Variants in PLXNA4 observed in about 807,000 individuals in gnomAD.
The protein encoded by PLXNA4 is plexin A4, also known as plexin-A4.
PLXNA4 carries 44 observed loss-of-function variants against 191.8 expected under a neutral mutation model. The ratio of observed to expected loss-of-function variants is 0.23; its 90% CI spans 0.18 to 0.29. PLXNA4 has a LOEUF of 0.29. PLXNA4 is among the 10% of genes least tolerant of loss of function. The probability of loss-of-function intolerance (pLI) is 1.00; values close to 1 mark genes in which losing one functional copy is unlikely to be tolerated. For missense variants in PLXNA4, 1,800 were observed against 2,488.8 expected, an observed-to-expected ratio of 0.72 and a Z score of 5.89; for synonymous variants, 1,082 against 1,009.5, an observed-to-expected ratio of 1.07 and a Z score of -1.36.
chr7:132,448,964 T>C (rs949198947), intron 3 of PLXNA4, among the ~76,000 whole-genome samples: 3 of 152,252 alleles, frequency 2.0e-5, no homozygotes, highest in Non-Finnish European at 2.9e-5. Context: ...CCTGGTAAGA[T>C]ATTAATGTTA....
intron 24 of PLXNA4, among the ~76,000 whole-genome samples, chr7:132,163,592 G>A (rs921929103): frequency 1.3e-5 from 2 of 152,158 alleles, no homozygotes; most frequent in African/African-American, 4.8e-5. Flanking sequence ...TTTTTGTCAG[G>A]TGAGGGAGCC....
intron 3 of PLXNA4, among the ~76,000 whole-genome samples, chr7:132,379,492 C>T (rs574809681): frequency 2.1e-4 from 32 of 152,348 alleles, no homozygotes; most frequent in African/African-American, 7.2e-4. Context: ...CTCTGCCTTA[C>T]AGATCCCCAT....
chr7:132,581,977 G>A (rs779002210), upstream of PLXNA4, among the ~76,000 whole-genome samples: 6 of 152,208 alleles, frequency 3.9e-5, no homozygotes, highest in Non-Finnish European at 5.9e-5. Flanking sequence ...GAGGGAGGGA[G>A]GGGGTGTGAC....
At position 132,195,826 on chromosome 7, in the gene PLXNA4, G is replaced by A. The variant is rs555319677; in HGVS notation, c.2739-1647C>T. Among the ~76,000 whole-genome samples, 146 of 152,236 alleles carry A rather than the reference G, an allele frequency of 9.6e-4. No homozygotes were observed. The South Asian group carries it at 0.013, about 14-fold the overall frequency. On this transcript the variant is annotated intron_variant, in intron 13 of 31. Coordinates refer to ENST00000321063, the MANE Select transcript of PLXNA4 (RefSeq NM_020911.2). ...TAAATATTGCAATGATTTTCTCCACGCTTGTCATCTTTCAACTGTGGTTCC... is the reference window on the plus strand; with the variant it reads ...TAAATATTGCAATGATTTTCTCCACACTTGTCATCTTTCAACTGTGGTTCC...
intron 1 of PLXNA4, among the ~76,000 whole-genome samples, chr7:132,562,737 TTC>T: frequency 8.3e-6 from 1 of 120,734 alleles, no homozygotes; most frequent in African/African-American, 3.5e-5. Flanking sequence ...GTCCTCCTCC[TTC>T]TCCTCCTCCT....
chr7:132,585,004 G>A (rs1253045837), intron 2 of PLXNA4, among the ~76,000 whole-genome samples: 1 of 151,684 alleles, frequency 6.6e-6, no homozygotes, highest in Non-Finnish European at 1.5e-5. Flanking sequence ...CCTCTTTTGT[G>A]GGCTGCCGTG....
intron 5 of PLXNA4, among the ~76,000 whole-genome samples, chr7:132,229,214 C>T (rs1283508272): frequency 2.0e-5 from 3 of 152,220 alleles, no homozygotes; most frequent in African/African-American, 7.2e-5. Context: ...AAAGCTTGCT[C>T]TGGATCAGAA....
chr7:132,480,051 A>C (rs156922), intron 3 of PLXNA4, among the ~76,000 whole-genome samples: 147,005 of 152,246 alleles, frequency 0.97, 71,180 homozygotes, highest in Middle Eastern at 1. Context: ...TCATACTATT[A>C]CCCCAAGTCC....
At chr7:132,451,060 T>C (rs1796103212) in intron 3 of PLXNA4, among the ~76,000 whole-genome samples, 1 of 152,210 alleles carries the variant, frequency 6.6e-6, no homozygotes, top group South Asian at 2.1e-4. Flanking sequence ...AGTTACTCAC[T>C]AACCCCCAGC....
intron 5 of PLXNA4, among the ~76,000 whole-genome samples, chr7:132,235,313 G>A (rs1467566619): frequency 6.6e-6 from 1 of 152,230 alleles, no homozygotes; most frequent in Non-Finnish European, 1.5e-5. Context: ...GCATGGCTAT[G>A]AAATTAGAGC....
chr7:132,125,321 A>C lies in PLXNA4; in HGVS notation c.*5158T>G, dbSNP rs965157677. 1.3e-5 allele frequency: 2 copies of C among 152,224 alleles called. No homozygotes were observed. Among genetic ancestry groups the C allele is most frequent in the African/African-American group, 4.8e-5 (2 of 41,436 alleles). The allele number at this position is 152,224 out of a possible 1,614,324, so 9.4% of individuals were successfully genotyped here. A position where few individuals can be genotyped will look rare whatever the true frequency, so the allele number is the denominator to read the frequency against. ...GGTAGGAGAAGGACTCCATCTGTCAAAAGTGTGGGGAAGCACCAGGAATAG... is the reference window on the plus strand; with the variant it reads ...GGTAGGAGAAGGACTCCATCTGTCACAAGTGTGGGGAAGCACCAGGAATAG... On this transcript the variant is annotated 3_prime_UTR_variant, in exon 32 of 32. Coordinates refer to ENST00000321063, the MANE Select transcript of PLXNA4 (RefSeq NM_020911.2).
chr7:132,130,702 G>C, intron 31 of PLXNA4, 128 bp from the exon 32 acceptor site: 5 of 1,367,646 alleles, frequency 3.7e-6, no homozygotes, highest in Non-Finnish European at 5.0e-6. Context: ...GGGGCACACA[G>C]GACACTGCGG....
intron 2 of PLXNA4, among the ~76,000 whole-genome samples, chr7:132,624,669 A>G (rs1289747814): frequency 6.6e-6 from 1 of 152,212 alleles, no homozygotes; most frequent in Non-Finnish European, 1.5e-5. Flanking sequence ...GGTATAAGTC[A>G]TGAACTTGGT....
intron 3 of PLXNA4, among the ~76,000 whole-genome samples, chr7:132,357,971 GA>G (rs774988212): frequency 4.2e-4 from 64 of 152,318 alleles, no homozygotes; most frequent in South Asian, 8.3e-4. Flanking sequence ...GAAAGCAGGA[GA>G]TTGTTAGACA....
At chr7:132,202,385 C>G (rs945247881) in intron 12 of PLXNA4, among the ~76,000 whole-genome samples, 4 of 152,188 alleles carry the variant, frequency 2.6e-5, no homozygotes, top group Admixed American at 1.3e-4. Flanking sequence ...TCCTTTTTGA[C>G]ACAGCTCCTC....
At chr7:132,204,499 G>A (rs755816634) in intron 10 of PLXNA4, among the ~76,000 whole-genome samples, 1 of 152,218 alleles carries the variant, frequency 6.6e-6, no homozygotes, top group African/African-American at 2.4e-5. Flanking sequence ...TTTGTTGAAC[G>A]AAGTTAGTCC....
rs944677052 is a variant in PLXNA4 at position 132,372,249 on chromosome 7, C to T, written c.1372-74027G>A. Reference sequence around the variant, plus strand: ...CTTCAATTTTCCAATCCAAAAGAAGCAGAAACAAATGGCTAAAACCAAGTC... The same window carrying T: ...CTTCAATTTTCCAATCCAAAAGAAGTAGAAACAAATGGCTAAAACCAAGTC... On this transcript the variant is annotated intron_variant, in intron 3 of 31. Coordinates refer to ENST00000321063, the MANE Select transcript of PLXNA4 (RefSeq NM_020911.2). 5.3e-5 allele frequency among the ~76,000 whole-genome samples: 8 copies of T among 152,356 alleles called. No homozygotes were observed. The East Asian group carries it at 1.3e-3, about 26-fold the overall frequency.
chr7:132,456,230 G>A (rs1796311721), intron 3 of PLXNA4, among the ~76,000 whole-genome samples: 1 of 151,204 alleles, frequency 6.6e-6, no homozygotes. Flanking sequence ...TCCTGCCTCA[G>A]CCTCCCGAGT....
At chr7:132,142,888 G>GGTT (rs1254144540) in intron 29 of PLXNA4, among the ~76,000 whole-genome samples, 7 of 152,232 alleles carry the variant, frequency 4.6e-5, no homozygotes, top group Non-Finnish European at 8.8e-5. Context: ...TTGCTCTGCC[G>GGTT]GTTGTTTCTT....
Sources: allele counts gnomAD v4.1 joint callset (sites outside exome capture counted in the v4.1 genomes callset), GRCh38; gene constraint gnomAD v4.1.1; transcripts MANE v1.5; gene names NCBI Gene and HGNC (gene_info 2026-07-23, HGNC 2026-07-21).